SHANK2: variants seen among roughly 807,000 people sequenced by gnomAD.
SHANK2 encodes SH3 and multiple ankyrin repeat domains 2, also known as SH3 and multiple ankyrin repeat domains protein 2.
In SHANK2, 43 loss-of-function variants were observed where a neutral mutation model predicts 133.7. The observed-to-expected ratio is 0.32, with a 90% CI of 0.25 to 0.41. SHANK2 has a LOEUF of 0.41. SHANK2 is among the 10% of genes least tolerant of loss of function. The pLI is 1.00. For synonymous variants in SHANK2, 1,017 were observed against 952.8 expected, an observed-to-expected ratio of 1.07 and a Z score of -1.24; for missense variants, 1,994 against 2,235.8, an observed-to-expected ratio of 0.89 and a Z score of 2.18.
chr11:71,167,563 C>T (rs1555111242), intron 2 of SHANK2, among the ~76,000 whole-genome samples: 8 of 135,000 alleles, frequency 5.9e-5, no homozygotes, highest in South Asian at 2.5e-4. Context: ...ACCTCCCTCC[C>T]GGACGGGGCG....
At chr11:71,154,003 G>C (rs1262399813) in intron 2 of SHANK2, among the ~76,000 whole-genome samples, 1 of 139,424 alleles carries the variant, frequency 7.2e-6, no homozygotes, top group Admixed American at 6.9e-5. Context: ...AAAAGTGCAA[G>C]AGTTTCCTCA....
intron 11 of SHANK2, among the ~76,000 whole-genome samples, chr11:70,843,901 G>A (rs1948954764): frequency 6.6e-6 from 1 of 152,184 alleles, no homozygotes; most frequent in African/African-American, 2.4e-5. Context: ...CGGAAGGCCT[G>A]TGAATGCCAT....
At chr11:70,719,394 G>A (rs1033492119) in intron 14 of SHANK2, among the ~76,000 whole-genome samples, 2 of 152,224 alleles carry the variant, frequency 1.3e-5, no homozygotes, top group African/African-American at 4.8e-5. Flanking sequence ...CTGGGGACAT[G>A]GACGTCATGG....
intron 2 of SHANK2, among the ~76,000 whole-genome samples, chr11:71,161,512 T>C (rs1240783320): frequency 2.0e-5 from 3 of 152,220 alleles, no homozygotes; most frequent in Non-Finnish European, 4.4e-5. Context: ...CCTGTAAGCT[T>C]CTTCCACATA....
At chr11:70,933,632 A>C (rs1461245961) in intron 10 of SHANK2, among the ~76,000 whole-genome samples, 3 of 152,226 alleles carry the variant, frequency 2.0e-5, no homozygotes, top group African/African-American at 7.2e-5. Flanking sequence ...TAAAAAAGCA[A>C]CAACAGGCTG....
intron 3 of SHANK2, among the ~76,000 whole-genome samples, chr11:71,123,621 T>C (rs1555101963): frequency 6.6e-6 from 1 of 152,170 alleles, no homozygotes; most frequent in African/African-American, 2.4e-5. Flanking sequence ...GTGTGAGCCT[T>C]GGTCATGTCA....
chr11:70,561,687 C>T (rs2059910034), intron 17 of SHANK2, among the ~76,000 whole-genome samples: 1 of 141,882 alleles, frequency 7.0e-6, no homozygotes, highest in South Asian at 2.5e-4. Flanking sequence ...CACCGTCACA[C>T]CCAGCTAGTT....
At chr11:70,786,958 CACT>C (rs1198345456) in intron 14 of SHANK2, among the ~76,000 whole-genome samples, 2 of 152,072 alleles carry the variant, frequency 1.3e-5, no homozygotes, top group Admixed American at 6.5e-5. Flanking sequence ...ACAGCATCAC[CACT>C]ATCATCACCA....
chr11:71,228,739 C>T (rs1186466811), intron 1 of SHANK2, among the ~76,000 whole-genome samples: 1 of 152,050 alleles, frequency 6.6e-6, no homozygotes, highest in East Asian at 1.9e-4. Flanking sequence ...GCCTGGGCGA[C>T]AAGAGTAAGA....
chr11:70,594,839 G>A (rs1269471378), intron 17 of SHANK2, among the ~76,000 whole-genome samples: 10 of 152,038 alleles, frequency 6.6e-5, no homozygotes, highest in Admixed American at 2.0e-4. Context: ...AGGCAGCTGC[G>A]GATTCCCACC....
At chr11:70,558,233 G>A (rs2059858823) in intron 17 of SHANK2, among the ~76,000 whole-genome samples, 1 of 152,244 alleles carries the variant, frequency 6.6e-6, no homozygotes, top group Non-Finnish European at 1.5e-5. Context: ...GCCCACTGGG[G>A]CTTCGGTAGG....
At chr11:70,837,268 C>T (rs373376254) in intron 11 of SHANK2, among the ~76,000 whole-genome samples, 31 of 152,320 alleles carry the variant, frequency 2.0e-4, no homozygotes, top group African/African-American at 7.2e-4. Context: ...ACGCCATTGT[C>T]TCTGCTGCTC....
At chr11:71,067,459 G>A (rs1002732544) in intron 9 of SHANK2, among the ~76,000 whole-genome samples, 21 of 152,304 alleles carry the variant, frequency 1.4e-4, no homozygotes, top group African/African-American at 5.1e-4. Context: ...CCAGGATGAG[G>A]TGAGGGGTTG....
Position 70,486,189 on chromosome 11 carries a change from G to A in SHANK2, c.4104C>T (p.Thr1368=), listed in dbSNP as rs546588475. 2.5e-6 allele frequency: 4 copies of A among 1,613,198 alleles called. No homozygotes were observed. Among genetic ancestry groups the A allele is most frequent in the Non-Finnish European group, 3.4e-6 (4 of 1,179,288 alleles). Residue 1368 remains threonine, a synonymous_variant, in exon 25 of 26, where the codon ACC becomes ACT. Coordinates refer to ENST00000601538, the MANE Select transcript of SHANK2 (RefSeq NM_012309.5). This position sits in a 1 kb window ranked among gnomAD's most constrained non-coding sequence, Gnocchi z 8.0. ...ALQISAAPEP[T]TVPGRTIVAV... ...CGACGATGGTTCTGCCGGGCACGGT[G>A]GTGGGCTCGGGGGCAGCGGAGATCT... is the stretch of plus-strand genomic sequence containing the variant.
chr11:71,193,778 T>C (rs1215418426), intron 2 of SHANK2, among the ~76,000 whole-genome samples: 1 of 151,990 alleles, frequency 6.6e-6, no homozygotes, highest in Non-Finnish European at 1.5e-5. Flanking sequence ...ACAGGGTGGG[T>C]TACCTCTGCA....
In SHANK2 at chr11:70,533,301, G is replaced by C. The variant is rs551725344; in HGVS notation, c.2062-30370C>G. On this transcript the variant is annotated intron_variant, in intron 17 of 25. Coordinates refer to ENST00000601538, the MANE Select transcript of SHANK2 (RefSeq NM_012309.5). The stretch of plus-strand genomic sequence containing the variant: ...GATGGGGTCTTGCTGTGTTGTCTAG[G>C]CTGGTCTCAAACTCCCGGGCTAAAC... Among the ~76,000 whole-genome samples, 409 of 152,210 alleles carry C rather than the reference G, an allele frequency of 2.7e-3. 2 individuals are homozygous for C. Among genetic ancestry groups the C allele is most frequent in the Non-Finnish European group, 4.7e-3 (322 of 68,008 alleles).
At chr11:70,552,983 CGTGTCCTCAT>C (rs2059788850) in intron 17 of SHANK2, among the ~76,000 whole-genome samples, 1 of 152,154 alleles carries the variant, frequency 6.6e-6, no homozygotes, top group Non-Finnish European at 1.5e-5. Flanking sequence ...CGCCTTCCCC[CGTGTCCTCAT>C]GTGGTCATCC....
At chr11:70,918,010 C>T (rs1447102492) in intron 10 of SHANK2, among the ~76,000 whole-genome samples, 1 of 114,102 alleles carries the variant, frequency 8.8e-6, no homozygotes, top group African/African-American at 3.4e-5. Context: ...TACCCCTGAA[C>T]TTAAAAGTTT....
chr11:71,101,133 G>A lies in SHANK2; in HGVS notation c.593-6445C>T, dbSNP rs149606246. ...CCAGTGCATGCTGTCAATAACAGGC[G>A]AGCTGGAAGTGAAAGTGCATAGGGG... On this transcript the variant is annotated intron_variant, in intron 6 of 25. Transcript: ENST00000601538. 1.2e-3 allele frequency among the ~76,000 whole-genome samples: 178 copies of A among 152,258 alleles called. 2 individuals carry two copies. The highest frequency in any genetic ancestry group is 3.5e-3 in the Admixed American group (53 of 15,296).
Sources: gnomAD v4.1 joint callset for allele counts (sites outside exome capture counted in the v4.1 genomes callset) on GRCh38, gnomAD v4.1.1 for gene constraint, Gnocchi (gnomAD v3.1) non-coding constraint, MANE v1.5 for transcripts, NCBI Gene and HGNC (gene_info 2026-07-23, HGNC 2026-07-21) for gene names.